RAB3C: variants seen among roughly 807,000 people sequenced by gnomAD.
The protein encoded by RAB3C is RAB3C, member RAS oncogene family, also known as ras-related protein Rab-3C.
RAB3C carries 17 observed loss-of-function variants against 26.4 expected under a neutral mutation model. The ratio of observed to expected loss-of-function variants is 0.64; its 90% CI spans 0.44 to 0.97. The LOEUF is 0.97. Ranked by LOEUF, RAB3C falls within the 50% of genes least tolerant of loss-of-function variation. The probability of loss-of-function intolerance (pLI) is 0.00; values close to 1 mark genes in which losing one functional copy is unlikely to be tolerated. For missense variants in RAB3C, 242 were observed against 281.9 expected, an observed-to-expected ratio of 0.86 and a Z score of 1.01; for synonymous variants, 91 against 95.9, an observed-to-expected ratio of 0.95 and a Z score of 0.30.
intron 2 of RAB3C, among the ~76,000 whole-genome samples, chr5:58,661,297 A>G (rs1261762575): frequency 6.7e-6 from 1 of 150,276 alleles, no homozygotes; most frequent in Non-Finnish European, 1.5e-5. Flanking sequence ...GCATCAAAAT[A>G]TCACTTGAAA....
At chr5:58,687,652 T>C (rs1748472705) in intron 2 of RAB3C, among the ~76,000 whole-genome samples, 1 of 152,036 alleles carries the variant, frequency 6.6e-6, no homozygotes, top group Non-Finnish European at 1.5e-5. Context: ...AGGCAAAAAA[T>C]AAGAAGACCC....
chr5:58,684,412 G>A (rs1050285619), intron 2 of RAB3C, among the ~76,000 whole-genome samples: 6 of 152,146 alleles, frequency 3.9e-5, no homozygotes, highest in South Asian at 2.1e-4. Context: ...CTTCTTTTGA[G>A]GCAGCCTAGA....
At chr5:58,783,695 GC>G (rs1425960793) in intron 3 of RAB3C, among the ~76,000 whole-genome samples, 1 of 152,136 alleles carries the variant, frequency 6.6e-6, no homozygotes, top group East Asian at 1.9e-4. Context: ...TATCCTACAG[GC>G]AGTTTTGGGC....
chr5:58,692,274 G>A lies in RAB3C; in HGVS notation c.253-33728G>A, dbSNP rs531130146. On this transcript the variant is annotated intron_variant, in intron 2 of 4. Coordinates refer to ENST00000282878, the MANE Select transcript of RAB3C (RefSeq NM_138453.4). ...CTGTTTGTTCAAACGTTTCGATAAT[G>A]CATTTGTTTAAAAAACACAATGAAT... 7.2e-4 allele frequency among the ~76,000 whole-genome samples: 109 copies of A among 152,114 alleles called. 1 individual carries two copies. Among genetic ancestry groups the A allele is most frequent in the African/African-American group, 2.6e-3 (107 of 41,490 alleles).
intron 3 of RAB3C, among the ~76,000 whole-genome samples, chr5:58,748,499 A>T (rs1741448573): frequency 6.6e-6 from 1 of 152,208 alleles, no homozygotes; most frequent in Admixed American, 6.5e-5. Flanking sequence ...ATTGGGAGAT[A>T]AAACTACTCA....
intron 3 of RAB3C, among the ~76,000 whole-genome samples, chr5:58,747,073 GC>G (rs1174018529): frequency 6.6e-6 from 1 of 152,060 alleles, no homozygotes; most frequent in African/African-American, 2.4e-5. Context: ...AATACAGACA[GC>G]TTTTACTGAT....
At chr5:58,597,010 A>C (rs1274342279) in intron 1 of RAB3C, among the ~76,000 whole-genome samples, 4 of 69,434 alleles carry the variant, frequency 5.8e-5, no homozygotes, top group Non-Finnish European at 9.7e-5. Context: ...ATAATATATA[A>C]ATATATAATA....
chr5:58,600,591 A>G (rs1746431279), intron 1 of RAB3C, among the ~76,000 whole-genome samples: 1 of 151,600 alleles, frequency 6.6e-6, no homozygotes, highest in African/African-American at 2.4e-5. Flanking sequence ...ATTTTTATTT[A>G]TTTATTTTTG....
In RAB3C at chr5:58,794,700, G is replaced by A. The variant is rs187874320; in HGVS notation, c.372-30338G>A. ...AGGACTAAATGATGCTTTAATTCTC[G>A]TAACGTCTCTATGAAAGTGGTTTTC... is the stretch of plus-strand genomic sequence containing the variant. On this transcript the variant is annotated intron_variant, in intron 3 of 4. Transcript: ENST00000282878. 2.9e-3 allele frequency among the ~76,000 whole-genome samples: 434 copies of A among 152,200 alleles called. 5 individuals carry two copies. Among genetic ancestry groups the A allele is most frequent in the African/African-American group, 8.1e-3 (335 of 41,510 alleles).
intron 2 of RAB3C, among the ~76,000 whole-genome samples, chr5:58,708,919 T>G (rs913227423): frequency 3.3e-5 from 5 of 152,244 alleles, no homozygotes; most frequent in Admixed American, 2.0e-4. Flanking sequence ...ATAACATTCT[T>G]AGTCCTACCT....
intron 1 of RAB3C, among the ~76,000 whole-genome samples, chr5:58,591,586 G>GTA (rs36004499): frequency 0.2 from 9,733 of 49,420 alleles, 384 homozygotes; most frequent in Non-Finnish European, 0.24. Flanking sequence ...TATTTTCATA[G>GTA]TATATATATA....
intron 2 of RAB3C, among the ~76,000 whole-genome samples, chr5:58,623,687 C>A (rs1746988027): frequency 6.6e-6 from 1 of 152,198 alleles, no homozygotes; most frequent in South Asian, 2.1e-4. Flanking sequence ...TGACAAAATA[C>A]AAAGGATGGT....
At chr5:58,809,778 C>T (rs765864848) in intron 3 of RAB3C, among the ~76,000 whole-genome samples, 4 of 152,146 alleles carry the variant, frequency 2.6e-5, no homozygotes, top group Admixed American at 6.5e-5. Context: ...TCACCAGGAA[C>T]TGAATCAGTC....
At chr5:58,652,065 C>T (rs1245718296) in intron 2 of RAB3C, among the ~76,000 whole-genome samples, 2 of 151,950 alleles carry the variant, frequency 1.3e-5, no homozygotes, top group Non-Finnish European at 2.9e-5. Flanking sequence ...ACTGATGGAT[C>T]TGGAGGGCAG....
rs1743241196 is a variant in RAB3C, at chr5:58,817,434, C to G, written c.372-7604C>G. On this transcript the variant is annotated intron_variant, in intron 3 of 4. Transcript: ENST00000282878. The stretch of plus-strand genomic sequence containing the variant: ...TAATATACATATAAAAGGCCTACCC[C>G]CTAAACTTCCTAAAACTACCTATTA... Among the ~76,000 whole-genome samples the G allele has an allele frequency of 3.3e-5, 5 of 152,154 alleles. No individual in the cohort carries two copies. In the South Asian group the frequency reaches 1.0e-3, roughly 32 times the overall value.
intron 3 of RAB3C, among the ~76,000 whole-genome samples, chr5:58,810,015 C>A (rs1043393162): frequency 6.6e-6 from 1 of 152,194 alleles, no homozygotes; most frequent in Non-Finnish European, 1.5e-5. Flanking sequence ...AGCAATAAAG[C>A]AGCCCAGGTA....
intron 1 of RAB3C, among the ~76,000 whole-genome samples, chr5:58,616,472 A>G (rs1437601686): frequency 6.6e-6 from 1 of 152,170 alleles, no homozygotes; most frequent in Non-Finnish European, 1.5e-5. Context: ...CCTCTTTTCT[A>G]TATTGAGCCA....
At chr5:58,660,813 AAG>A (rs1747889333) in intron 2 of RAB3C, among the ~76,000 whole-genome samples, 1 of 150,168 alleles carries the variant, frequency 6.7e-6, no homozygotes, top group South Asian at 2.1e-4. Flanking sequence ...ATAAGGAAAA[AAG>A]AGAGAGCATG....
At chr5:58,636,774 G>A (rs1205255175) in intron 2 of RAB3C, among the ~76,000 whole-genome samples, 1 of 152,142 alleles carries the variant, frequency 6.6e-6, no homozygotes, top group Non-Finnish European at 1.5e-5. Flanking sequence ...GTTGCAATGA[G>A]AAGGCAATAA....
Sources: gnomAD v4.1 joint callset for allele counts (sites outside exome capture counted in the v4.1 genomes callset) on GRCh38, gnomAD v4.1.1 for gene constraint, MANE v1.5 for transcripts, NCBI Gene and HGNC (gene_info 2026-07-23, HGNC 2026-07-21) for gene names.